VPS13B: variants seen among roughly 807,000 people sequenced by gnomAD.
The protein encoded by VPS13B is intermembrane lipid transfer protein VPS13B.
A neutral mutation model predicts 426.4 loss-of-function variants in VPS13B; 285 were observed. That is an observed-to-expected ratio of 0.67 (90% CI 0.61 to 0.74). The LOEUF is 0.74. Among genes scored for constraint, VPS13B ranks in the 30% least tolerant of loss-of-function variants. VPS13B has a pLI of 0.00. For missense variants in VPS13B, 4,537 were observed against 4,782.6 expected (o/e 0.95, Z 1.51); for synonymous variants, 1,676 against 1,676.4 (o/e 1.00, Z 0.01).
chr8:99,051,348 G>A (rs1367704527), intron 3 of VPS13B, among the ~76,000 whole-genome samples: 2 of 152,024 alleles, frequency 1.3e-5, no homozygotes, highest in Non-Finnish European at 2.9e-5. Context: ...GTAGATATGC[G>A]GCATTATTTC....
chr8:99,762,216 G>A (rs965206152), intron 39 of VPS13B, among the ~76,000 whole-genome samples: 3 of 151,986 alleles, frequency 2.0e-5, no homozygotes, highest in Non-Finnish European at 4.4e-5. Context: ...TGTAGAGACA[G>A]GGTCTTACCG....
At chr8:99,190,964 G>A (rs1258087353) in intron 16 of VPS13B, among the ~76,000 whole-genome samples, 2 of 151,494 alleles carry the variant, frequency 1.3e-5, no homozygotes, top group East Asian at 1.9e-4. Flanking sequence ...AACATTTTTT[G>A]TAGTACAGAT....
intron 3 of VPS13B, among the ~76,000 whole-genome samples, chr8:99,043,677 G>A (rs901509044): frequency 3.3e-5 from 5 of 151,794 alleles, no homozygotes; most frequent in Admixed American, 1.3e-4. Flanking sequence ...TTGTTACCTG[G>A]TTCACAGACT....
chr8:99,115,974 T>C (rs1466425215), intron 7 of VPS13B, 100 bp downstream of exon 7: 1 of 1,216,496 alleles, frequency 8.2e-7, no homozygotes, highest in Non-Finnish European at 1.2e-6. Context: ...AGTTTTACAG[T>C]ATTCTAATGA....
chr8:99,472,040 T>C (rs1819438357), intron 24 of VPS13B, among the ~76,000 whole-genome samples: 1 of 152,286 alleles, frequency 6.6e-6, no homozygotes, highest in South Asian at 2.1e-4. Context: ...AAGGCTGGAC[T>C]TACTTATTTT....
intron 2 of VPS13B, among the ~76,000 whole-genome samples, chr8:99,032,666 A>T (rs1246998166): frequency 1.3e-5 from 2 of 150,188 alleles, no homozygotes; most frequent in Non-Finnish European, 3.0e-5. Flanking sequence ...AGTAGCTGGA[A>T]CTATAGGTGC....
At chr8:99,741,489 A>C (rs1809721888) in intron 39 of VPS13B, among the ~76,000 whole-genome samples, 1 of 152,250 alleles carries the variant, frequency 6.6e-6, no homozygotes, top group Non-Finnish European at 1.5e-5. Flanking sequence ...AGACATCTAC[A>C]GAACTCTCCA....
chr8:99,843,967 C>T (rs1429845771), intron 54 of VPS13B, among the ~76,000 whole-genome samples: 1 of 152,202 alleles, frequency 6.6e-6, no homozygotes, highest in Non-Finnish European at 1.5e-5. Flanking sequence ...TTACTTGCTT[C>T]CTTCCTCTCT....
intron 20 of VPS13B, among the ~76,000 whole-genome samples, chr8:99,390,799 A>G (rs1477006497): frequency 2.0e-5 from 3 of 152,230 alleles, no homozygotes; most frequent in Non-Finnish European, 4.4e-5. Context: ...TCCTATGGCA[A>G]ACTTAAAACT....
rs544946748 is a variant in VPS13B at position 99,687,810 on chromosome 8, C to G, written c.6047-11715C>G. On this transcript the variant is annotated intron_variant, in intron 35 of 61. Coordinates refer to ENST00000357162, the MANE Select transcript of VPS13B (RefSeq NM_152564.5). ...AAAAACAGGTACGGTGATTGCTTAC[C>G]TGACTTTTGGTTCTTGTTAAGTTCC... is the stretch of plus-strand genomic sequence containing the variant. Among the ~76,000 whole-genome samples the G allele has an allele frequency of 1.9e-3, 290 of 152,094 alleles. 1 individual carries two copies. Among genetic ancestry groups the G allele is most frequent in the Non-Finnish European group, 3.3e-3 (225 of 68,024 alleles).
intron 59 of VPS13B, among the ~76,000 whole-genome samples, chr8:99,870,473 A>T (rs1006766082): frequency 3.3e-5 from 5 of 152,154 alleles, no homozygotes; most frequent in Admixed American, 6.5e-5. Context: ...AGACTTTTTT[A>T]ACACATCAAT....
chr8:99,249,946 GTTTTCAGGAGCGGCTGTACA>G (rs1220391992), intron 17 of VPS13B, among the ~76,000 whole-genome samples: 11 of 152,154 alleles, frequency 7.2e-5, no homozygotes, highest in African/African-American at 2.7e-4. Context: ...CTGCCAAACA[GTTTTCAGGAGCGGCTGTACA>G]TTTTACATTT....
intron 35 of VPS13B, chr8:99,697,019 C>A: frequency 1.7e-6 from 1 of 580,774 alleles, no homozygotes; most frequent in Admixed American, 2.6e-5. Context: ...CCCTCCGCCT[C>A]AGCTGAAGCA....
intron 31 of VPS13B, among the ~76,000 whole-genome samples, chr8:99,558,559 C>T (rs1824713837): frequency 6.6e-6 from 1 of 152,082 alleles, no homozygotes; most frequent in African/African-American, 2.4e-5. Flanking sequence ...TCTCTCCCCC[C>T]TACCCCCACC....
chr8:99,442,113 G>A (rs1224286403), intron 22 of VPS13B, among the ~76,000 whole-genome samples: 1 of 152,100 alleles, frequency 6.6e-6, no homozygotes. Flanking sequence ...AAGAAAGAGT[G>A]TTTTCTGATC....
chr8:99,820,947 G>A (rs1187913678), intron 49 of VPS13B, among the ~76,000 whole-genome samples: 2 of 151,722 alleles, frequency 1.3e-5, no homozygotes, highest in Non-Finnish European at 2.9e-5. Flanking sequence ...CTTGTCAAAT[G>A]AGATGAAACC....
chr8:99,183,682 A>G lies in VPS13B; in HGVS notation c.2334-9194A>G, dbSNP rs535175151. Among the ~76,000 whole-genome samples, 263 of 152,112 alleles carry G rather than the reference A, an allele frequency of 1.7e-3. 4 individuals are homozygous for G. Among genetic ancestry groups the G allele is most frequent in the Non-Finnish European group, 1.7e-3 (118 of 68,006 alleles). On this transcript the variant is annotated intron_variant, in intron 16 of 61. Coordinates refer to ENST00000357162, the MANE Select transcript of VPS13B (RefSeq NM_152564.5). ...AAATCTTAGTAACTAATATATAAATATATTTTTTCATAAATGTAGTATTGA... is the reference window on the plus strand; with the variant it reads ...AAATCTTAGTAACTAATATATAAATGTATTTTTTCATAAATGTAGTATTGA...
intron 21 of VPS13B, among the ~76,000 whole-genome samples, chr8:99,427,532 C>G (rs1233567969): frequency 1.3e-5 from 2 of 151,776 alleles, no homozygotes; most frequent in African/African-American, 4.8e-5. Context: ...CACTCCCATT[C>G]ACAATTGCTT....
chr8:99,451,080 A>G (rs937525221), intron 23 of VPS13B, among the ~76,000 whole-genome samples: 1 of 152,214 alleles, frequency 6.6e-6, no homozygotes, highest in Non-Finnish European at 1.5e-5. Context: ...CTCTTTATTT[A>G]TACCTTCAAA....
Sources: allele counts gnomAD v4.1 joint callset (sites outside exome capture counted in the v4.1 genomes callset), GRCh38; gene constraint gnomAD v4.1.1; transcripts MANE v1.5; gene names NCBI Gene and HGNC (gene_info 2026-07-23, HGNC 2026-07-21).